CDK1: variants seen among roughly 807,000 people sequenced by gnomAD.
CDK1 encodes cyclin-dependent kinase 1.
A neutral mutation model predicts 34.6 loss-of-function variants in CDK1; 5 were observed. The ratio of observed to expected loss-of-function variants is 0.14; its 90% CI spans 0.08 to 0.30. The LOEUF (loss-of-function observed/expected upper bound fraction) is 0.30, where lower values mean the gene tolerates loss of function less well. Among genes scored for constraint, CDK1 ranks in the 10% least tolerant of loss-of-function variants. The pLI, the probability that CDK1 is intolerant of heterozygous loss-of-function variation, is 1.00. For missense variants in CDK1, 157 were observed against 345.7 expected (o/e 0.45, Z 4.33); for synonymous variants, 108 against 114.7 (o/e 0.94, Z 0.37).
rs760567567 is a variant in CDK1 at position 60,792,292 on chromosome 10, A to G, written c.795+3A>G. 3 of 1,602,444 alleles carry G rather than the reference A, an allele frequency of 1.9e-6. No individual in the cohort carries two copies. The highest frequency in any genetic ancestry group is 2.6e-6 in the Non-Finnish European group (3 of 1,176,154). Reference sequence around the variant, plus strand: ...AAAATGGCTTGGATTTGCTCTCGGTAAGGAGTGCCCTTGATACTGACTTTC... The same window carrying G: ...AAAATGGCTTGGATTTGCTCTCGGTGAGGAGTGCCCTTGATACTGACTTTC... On this transcript the variant is annotated splice_donor_region_variant and intron_variant, in intron 7 of 7. Coordinates refer to ENST00000395284, the MANE Select transcript of CDK1 (RefSeq NM_001786.5).
rs2080365331 is a variant in CDK1 at position 60,792,222 on chromosome 10, A to G, written c.728A>G (p.Lys243Arg). The G allele has an allele frequency of 1.9e-6, 3 of 1,613,046 alleles. No homozygotes were observed. The highest frequency in any genetic ancestry group is 2.5e-6 in the Non-Finnish European group (3 of 1,179,486). ...CAGGACTATAAGAATACATTTCCCA[A>G]ATGGAAACCAGGAAGCCTAGCATCC... Reference protein sequence around the residue: ...SLQDYKNTFPKWKPGSLASHV... With the variant: ...SLQDYKNTFPRWKPGSLASHV... The change falls in exon 7 of 8, where the codon AAA becomes AGA. Residue 243 changes from lysine (K) to arginine (R), a missense_variant. By Grantham distance (26) the Lys-to-Arg change is conservative. Around this residue, in one of 3 missense-constraint regions of CDK1, gnomAD observed 102 missense variants for 233.6 expected, o/e 0.44. Transcript: ENST00000395284.
intron 2 of CDK1, among the ~76,000 whole-genome samples, chr10:60,782,091 A>G (rs777978911): frequency 2.1e-4 from 32 of 152,224 alleles, no homozygotes; most frequent in Non-Finnish European, 2.1e-4. Context: ...TGGTTCTGCC[A>G]GGTATCTGGT....
intron 2 of CDK1, among the ~76,000 whole-genome samples, chr10:60,783,870 T>C (rs1285003763): frequency 1.6e-5 from 2 of 122,038 alleles, no homozygotes; most frequent in Non-Finnish European, 3.6e-5. Flanking sequence ...TACAATGTGC[T>C]TTATTAGGTT....
At chr10:60,784,193 A>G (rs1043340876) in intron 2 of CDK1, among the ~76,000 whole-genome samples, 7 of 152,254 alleles carry the variant, frequency 4.6e-5, no homozygotes, top group African/African-American at 1.7e-4. Context: ...TGATGACTAC[A>G]TGAATTTTAT....
chr10:60,780,354 C>T (rs1181449415), intron 2 of CDK1, 152 bp downstream of exon 2: 11 of 608,274 alleles, frequency 1.8e-5, no homozygotes, highest in Admixed American at 1.2e-4. Flanking sequence ...ACTTAATAAA[C>T]GCAAATTTGC....
intron 5 of CDK1, among the ~76,000 whole-genome samples, chr10:60,790,759 T>C (rs2080354339): frequency 6.6e-6 from 1 of 152,196 alleles, no homozygotes; most frequent in African/African-American, 2.4e-5. Flanking sequence ...ATCCAGTTTT[T>C]CCAGCACCAT....
intron 5 of CDK1, among the ~76,000 whole-genome samples, chr10:60,788,838 A>G (rs1226410235): frequency 1.3e-5 from 2 of 152,138 alleles, no homozygotes; most frequent in African/African-American, 4.8e-5. Flanking sequence ...CTTGACCCAA[A>G]GACTGTCTCC....
At chr10:60,785,884 AAG>A in intron 4 of CDK1, 97 bp downstream of exon 4, 1 of 1,361,570 alleles carries the variant, frequency 7.3e-7, no homozygotes, top group Non-Finnish European at 9.5e-7. Flanking sequence ...TGCTTGGAAA[AAG>A]TGTTAGAATA....
At chr10:60,779,773 T>G (rs917307199) in intron 1 of CDK1, among the ~76,000 whole-genome samples, 1 of 152,192 alleles carries the variant, frequency 6.6e-6, no homozygotes, top group Admixed American at 6.5e-5. Flanking sequence ...GTTGAAATAT[T>G]TGGGTATAAC....
chr10:60,790,413 G>C (rs2080351274), intron 5 of CDK1, among the ~76,000 whole-genome samples: 1 of 152,052 alleles, frequency 6.6e-6, no homozygotes, highest in Non-Finnish European at 1.5e-5. Flanking sequence ...ATGCTAGGCT[G>C]ATTTTTAAAT....
At chr10:60,781,104 C>A (rs1220358602) in intron 2 of CDK1, among the ~76,000 whole-genome samples, 1 of 151,748 alleles carries the variant, frequency 6.6e-6, no homozygotes, top group Non-Finnish European at 1.5e-5. Flanking sequence ...TTCTACTAAA[C>A]AAATTTTGCT....
At chr10:60,789,476 T>A (rs1015223423) in intron 5 of CDK1, among the ~76,000 whole-genome samples, 1 of 152,206 alleles carries the variant, frequency 6.6e-6, no homozygotes, top group Non-Finnish European at 1.5e-5. Context: ...TGAAAACATG[T>A]GGTATTTATC....
intron 3 of CDK1, 114 bp from the exon 4 acceptor site, chr10:60,785,550 A>G (rs998904394): frequency 5.7e-5 from 37 of 649,350 alleles, no homozygotes; most frequent in Non-Finnish European, 9.1e-5. Context: ...GGAAGCTACT[A>G]CGTCTTCCCC....
intron 1 of CDK1, 147 bp from the exon 2 acceptor site, chr10:60,779,994 A>G: frequency 1.6e-6 from 1 of 622,666 alleles, no homozygotes; most frequent in East Asian, 2.8e-5. Flanking sequence ...TTACCCTTGT[A>G]AATATTGTTT....
At position 60,793,951 on chromosome 10, in the gene CDK1, G is replaced by A. The variant is rs1383079150; in HGVS notation, c.870G>A (p.Leu290=). The A allele has an allele frequency of 6.5e-7, 1 of 1,535,966 alleles. No homozygotes were observed. The highest frequency in any genetic ancestry group is 2.5e-5 in the East Asian group (1 of 40,216). The change falls in exon 8 of 8, where the codon TTG becomes TTA. Residue 290 remains leucine (L), a synonymous_variant. Transcript: ENST00000395284. ...MALNHPYFND[L]DNQIKKM is the part of the protein sequence containing the mutation. ...TGAATCATCCATATTTTAATGATTT[G>A]GACAATCAGATTAAGAAGATGTAGC...
chr10:60,784,856 A>G lies in CDK1; in HGVS notation c.189A>G (p.Ile63Met). Reference sequence around the variant, plus strand: ...TAAAGGAACTTCGTCATCCAAATATAGTCAGGTATGTTGTAATATCTGAAT... The same window carrying G: ...TAAAGGAACTTCGTCATCCAAATATGGTCAGGTATGTTGTAATATCTGAAT... ...SLLKELRHPN[I>M]VSLQDVLMQD... Residue 63 changes from isoleucine to methionine, a missense_variant, in exon 3 of 8, where the codon ATA becomes ATG. Ile to Met is a conservative substitution (Grantham distance 10, BLOSUM62 1). Coordinates refer to ENST00000395284, the MANE Select transcript of CDK1 (RefSeq NM_001786.5). 6.2e-7 allele frequency: 1 copy of G among 1,612,436 alleles called. No homozygotes were observed. The highest frequency in any genetic ancestry group is 8.5e-7 in the Non-Finnish European group (1 of 1,178,564).
chr10:60,785,596 T>C lies in CDK1; in HGVS notation c.195-68T>C, dbSNP rs948329445. 16 of 948,816 alleles carry C rather than the reference T, an allele frequency of 1.7e-5. No individual in the cohort carries two copies. In the Admixed American group the frequency reaches 2.5e-4, roughly 15 times the overall value. 58.8% of individuals were successfully genotyped at this position (948,816 alleles called of 1,614,324 possible). A position where few individuals can be genotyped will look rare whatever the true frequency, so the allele number is the denominator to read the frequency against. On this transcript the variant is annotated intron_variant, in intron 3 of 7. Transcript: ENST00000395284. ...ATAGCAACTGAAATTATGGAAGGAG[T>C]TTTATTTTGTGAAACAGAGGTCAAA...
chr10:60,787,102 T>TGTACAGGCAACAATGGTTTTAC, intron 4 of CDK1: 1 of 980,676 alleles, frequency 1.0e-6, no homozygotes, highest in Non-Finnish European at 1.2e-6. Context: ...ACTGGTTTTA[T>TGTACAGGCAACAATGGTTTTAC]GTACAGGCAA....
chr10:60,792,550 T>G (rs930795479), intron 7 of CDK1, among the ~76,000 whole-genome samples: 2 of 152,064 alleles, frequency 1.3e-5, no homozygotes, highest in Non-Finnish European at 2.9e-5. Flanking sequence ...ATACACATTT[T>G]TTTTTTTAAG....
Sources: allele counts gnomAD v4.1 joint callset (sites outside exome capture counted in the v4.1 genomes callset), GRCh38; gene constraint gnomAD v4.1.1; regional missense constraint gnomAD v4.1.1; transcripts MANE v1.5; gene names NCBI Gene and HGNC (gene_info 2026-07-23, HGNC 2026-07-21).